The following SKIC3 variants were observed in gnomAD, a reference collection of about 807,000 sequenced individuals.
The protein encoded by SKIC3 is superkiller complex protein 3.
At chr5:95,536,746 T>C in the SKIC3 span, 1 of 1,288,158 alleles carries the variant, frequency 7.8e-7, no homozygotes, top group Non-Finnish European at 1.1e-6. Flanking sequence ...ACTAAAACAT[T>C]TTTTGATTAA....
the SKIC3 span, among the ~76,000 whole-genome samples, chr5:95,472,647 T>A: frequency 6.6e-6 from 1 of 151,996 alleles, no homozygotes; most frequent in Non-Finnish European, 1.5e-5. Context: ...TTTTTTTTTT[T>A]CTAAAGTTTA....
the SKIC3 span, among the ~76,000 whole-genome samples, chr5:95,479,619 C>T: frequency 6.6e-6 from 1 of 150,724 alleles, no homozygotes; most frequent in Non-Finnish European, 1.5e-5. Flanking sequence ...TCTTATTGTG[C>T]CTAATTTATA....
the SKIC3 span, among the ~76,000 whole-genome samples, chr5:95,553,160 CACA>C: frequency 0.012 from 1,785 of 152,264 alleles, 35 homozygotes; most frequent in African/African-American, 0.04. Flanking sequence ...ATTCTTCCAG[CACA>C]ACGTCTCTAA....
chr5:95,471,510 T>C, the SKIC3 span, among the ~76,000 whole-genome samples: 1 of 151,886 alleles, frequency 6.6e-6, no homozygotes, highest in African/African-American at 2.4e-5. Context: ...CTTACATTCA[T>C]CCACAAATAC....
chr5:95,528,655 A>C, the SKIC3 span, among the ~76,000 whole-genome samples: 1 of 152,180 alleles, frequency 6.6e-6, no homozygotes, highest in Admixed American at 6.6e-5. Context: ...AAGATGCCTA[A>C]GGTTTCCCCT....
the SKIC3 span, among the ~76,000 whole-genome samples, chr5:95,540,043 G>GAT: frequency 6.6e-6 from 1 of 151,976 alleles, no homozygotes; most frequent in Non-Finnish European, 1.5e-5. Flanking sequence ...AAGAAATTGT[G>GAT]ATATATATAC....
the SKIC3 span, among the ~76,000 whole-genome samples, chr5:95,507,911 CAAT>C: frequency 7.0e-6 from 1 of 142,664 alleles, no homozygotes. Flanking sequence ...ACAATATCTG[CAAT>C]AATAACGATA....
At chr5:95,473,361 C>CA in the SKIC3 span, among the ~76,000 whole-genome samples, 1 of 50,660 alleles carries the variant, frequency 2.0e-5, no homozygotes, top group Non-Finnish European at 3.6e-5. Context: ...CAGCTCACTG[C>CA]ATCCCAACCT....
chr5:95,478,588 G>T, the SKIC3 span: 1 of 1,064,490 alleles, frequency 9.4e-7, no homozygotes. Flanking sequence ...AACAATTACA[G>T]GTCAAAAAAG....
chr5:95,515,961 G>A, the SKIC3 span, among the ~76,000 whole-genome samples: 2 of 152,120 alleles, frequency 1.3e-5, no homozygotes, highest in East Asian at 3.9e-4. Context: ...ATCCAAGAAA[G>A]GTTAAATTTA....
At chr5:95,522,896 A>G in the SKIC3 span, among the ~76,000 whole-genome samples, 2 of 152,152 alleles carry the variant, frequency 1.3e-5, no homozygotes, top group Non-Finnish European at 2.9e-5. Flanking sequence ...GCCAAAAACA[A>G]TGTGTGTCAG....
the SKIC3 span, among the ~76,000 whole-genome samples, chr5:95,521,820 G>A: frequency 1.3e-5 from 2 of 152,034 alleles, no homozygotes; most frequent in African/African-American, 4.8e-5. Context: ...TTATCATACT[G>A]TTTGTCTAAA....
chr5:95,550,581 C>T, the SKIC3 span: 4 of 151,760 alleles, frequency 2.6e-5, no homozygotes, highest in South Asian at 8.4e-4. Context: ...AGACACTTAC[C>T]TTTTACCAAT....
the SKIC3 span, among the ~76,000 whole-genome samples, chr5:95,476,473 C>T: frequency 2.6e-5 from 4 of 152,136 alleles, no homozygotes; most frequent in Non-Finnish European, 4.4e-5. Context: ...TATATCCATC[C>T]TCCCCATACT....
At chr5:95,543,813 C>T in the SKIC3 span, among the ~76,000 whole-genome samples, 1 of 152,062 alleles carries the variant, frequency 6.6e-6, no homozygotes, top group African/African-American at 2.4e-5. Context: ...GCGATTATAC[C>T]AAATATGTTC....
At chr5:95,476,051 C>T in the SKIC3 span, among the ~76,000 whole-genome samples, 1,906 of 152,314 alleles carry the variant, frequency 0.013, 44 homozygotes, top group African/African-American at 0.044. Context: ...TTGCTGGGTC[C>T]CCTTGTGCAG....
the SKIC3 span, among the ~76,000 whole-genome samples, chr5:95,515,754 A>T: frequency 6.6e-6 from 1 of 152,254 alleles, no homozygotes. Flanking sequence ...TTGGGATGAG[A>T]TTCAATATAC....
At chr5:95,519,156 T>G in the SKIC3 span, among the ~76,000 whole-genome samples, 2 of 150,894 alleles carry the variant, frequency 1.3e-5, no homozygotes, top group Non-Finnish European at 3.0e-5. Flanking sequence ...GCAGACTGAA[T>G]GAACAAGCTC....
At chr5:95,501,661 T>C in the SKIC3 span, among the ~76,000 whole-genome samples, 4 of 152,046 alleles carry the variant, frequency 2.6e-5, no homozygotes, top group Admixed American at 6.5e-5. Flanking sequence ...GGGTAAAGGT[T>C]TGCCTTCACA....
Sources: allele counts gnomAD v4.1 joint callset (sites outside exome capture counted in the v4.1 genomes callset), GRCh38; gene constraint gnomAD v4.1.1; transcripts MANE v1.5; gene names NCBI Gene and HGNC (gene_info 2026-07-23, HGNC 2026-07-21).